Variants in MMP16 observed in about 807,000 individuals in gnomAD.
MMP16 encodes matrix metallopeptidase 16.
A neutral mutation model predicts 67.8 loss-of-function variants in MMP16; 12 were observed. The ratio of observed to expected loss-of-function variants is 0.18; its 90% CI spans 0.11 to 0.29. The LOEUF (loss-of-function observed/expected upper bound fraction) is 0.29. Among genes scored for constraint, MMP16 ranks in the 10% least tolerant of loss-of-function variants. The pLI, the probability that MMP16 is intolerant of heterozygous loss-of-function variation, is 1.00. For missense variants in MMP16, 475 were observed against 765.7 expected, an observed-to-expected ratio of 0.62 and a Z score of 4.48; for synonymous variants, 249 against 255.9, an observed-to-expected ratio of 0.97 and a Z score of 0.26.
Position 88,058,666 on chromosome 8 carries a change from T to C in MMP16, c.1223-2388A>G, listed in dbSNP as rs768756693. On this transcript the variant is annotated intron_variant, in intron 7 of 9. Coordinates refer to ENST00000286614, the MANE Select transcript of MMP16 (RefSeq NM_005941.5). This position sits in a 1 kb window ranked among gnomAD's most constrained non-coding sequence, Gnocchi z 4.2. ...TTCAAAGGAGCCAGACCACTGAAGA[T>C]TGTTTGAGGTAAAAGAAACATAAAG... 3.3e-5 allele frequency among the ~76,000 whole-genome samples: 5 copies of C among 152,122 alleles called. No homozygotes were observed. The highest frequency in any genetic ancestry group is 7.4e-5 in the Non-Finnish European group (5 of 67,998).
intron 4 of MMP16, among the ~76,000 whole-genome samples, chr8:88,120,314 G>A (rs926685547): frequency 6.6e-6 from 1 of 151,952 alleles, no homozygotes; most frequent in Non-Finnish European, 1.5e-5. Context: ...ACAGGTGAGA[G>A]GATCATTGGA....
intron 1 of MMP16, among the ~76,000 whole-genome samples, chr8:88,214,759 T>C (rs1224144526): frequency 6.6e-6 from 1 of 152,188 alleles, no homozygotes; most frequent in African/African-American, 2.4e-5. Flanking sequence ...AACTGAAACG[T>C]TGTGTCCTCT....
intron 2 of MMP16, among the ~76,000 whole-genome samples, chr8:88,196,620 A>G (rs1489715533): frequency 6.6e-6 from 1 of 152,214 alleles, no homozygotes; most frequent in Non-Finnish European, 1.5e-5. Context: ...GTAACTTTCC[A>G]GTGAAACCTA....
At chr8:88,169,454 T>A (rs1344040444) in intron 3 of MMP16, among the ~76,000 whole-genome samples, 1 of 152,136 alleles carries the variant, frequency 6.6e-6, no homozygotes, top group Non-Finnish European at 1.5e-5. Context: ...TTATAAGAAT[T>A]TTAGAGAAAA....
At chr8:88,296,047 T>A (rs1563587504) in intron 1 of MMP16, among the ~76,000 whole-genome samples, 1 of 152,320 alleles carries the variant, frequency 6.6e-6, no homozygotes, top group East Asian at 1.9e-4. Flanking sequence ...TAACTGAGAC[T>A]AGTCCAAATA....
rs192130066 is a variant in MMP16, at chr8:88,125,146, T to A, written c.710-6285A>T. On this transcript the variant is annotated intron_variant, in intron 4 of 9. Coordinates refer to ENST00000286614, the MANE Select transcript of MMP16 (RefSeq NM_005941.5). ...TGGCTGCTCAAAGAGCTTTTATCAT[T>A]TTCATTGCTTCTTACTTTTAATTAA... Among the ~76,000 whole-genome samples the A allele has an allele frequency of 1.1e-4, 16 of 151,946 alleles. No individual in the cohort carries two copies. In the East Asian group the frequency reaches 3.1e-3, roughly 30 times the overall value.
chr8:88,297,341 A>G (rs114338115), intron 1 of MMP16, among the ~76,000 whole-genome samples: 1,769 of 152,280 alleles, frequency 0.012, 30 homozygotes, highest in African/African-American at 0.04. Context: ...GTTCTCCCCA[A>G]ACTCAAACGA....
At chr8:88,319,248 G>A (rs548924150) in intron 1 of MMP16, among the ~76,000 whole-genome samples, 1 of 152,200 alleles carries the variant, frequency 6.6e-6, no homozygotes, top group African/African-American at 2.4e-5. Context: ...TAGTGCTCTT[G>A]ACTTTTCTAT....
intron 1 of MMP16, among the ~76,000 whole-genome samples, chr8:88,300,670 T>C (rs923472351): frequency 6.6e-6 from 1 of 152,216 alleles, no homozygotes; most frequent in African/African-American, 2.4e-5. Context: ...AAAATATATA[T>C]GTAGGGTTTG....
At position 88,197,189 on chromosome 8, in the gene MMP16, T is replaced by C. The variant is rs1169511853; in HGVS notation, c.250A>G (p.Met84Val). The C allele has an allele frequency of 2.5e-6, 4 of 1,612,046 alleles. No homozygotes were observed. The highest frequency in any genetic ancestry group is 2.2e-5 in the East Asian group (1 of 44,754). Residue 84 changes from methionine (M) to valine (V), a missense_variant, in exon 2 of 10, where the codon ATG becomes GTG. Physicochemically the swap from Met to Val is conservative, Grantham distance 21. This residue lies in a region of MMP16 where 170 missense variants were observed against 239.6 expected (regional missense o/e 0.71). Coordinates refer to ENST00000286614, the MANE Select transcript of MMP16 (RefSeq NM_005941.5). ...GTGTTTCTGTCCACTTTTCCTGTCA[T>C]GTTAATGCCATAGAACTGCTGCATG... The part of the protein sequence containing the change: ...AAMQQFYGIN[M>V]TGKVDRNTID...
intron 1 of MMP16, among the ~76,000 whole-genome samples, chr8:88,223,109 T>C (rs970556095): frequency 4.6e-5 from 7 of 152,106 alleles, no homozygotes; most frequent in Non-Finnish European, 1.0e-4. Flanking sequence ...TCATCACTGG[T>C]CATCAGAGAA....
chr8:88,227,634 GC>G (rs1809791425), intron 1 of MMP16, among the ~76,000 whole-genome samples: 1 of 151,894 alleles, frequency 6.6e-6, no homozygotes, highest in South Asian at 2.1e-4. Context: ...TCAGGCAAGG[GC>G]CCACTCTAGT....
rs928136030 is a variant in MMP16, at chr8:88,033,583, T to C, written c.*7878A>G. On this transcript the variant is annotated 3_prime_UTR_variant, in exon 10 of 10. Coordinates refer to ENST00000286614, the MANE Select transcript of MMP16 (RefSeq NM_005941.5). ...AAAAAGTTAAGTTTATTAAAAGTTA[T>C]ATTAGCGCAAAATTGAACTAGTAAA... is the stretch of plus-strand genomic sequence containing the variant. 6.6e-6 allele frequency: 1 copy of C among 152,000 alleles called. No homozygotes were observed. The highest frequency in any genetic ancestry group is 1.5e-5 in the Non-Finnish European group (1 of 67,952). 9.4% of individuals were successfully genotyped at this position (152,000 alleles called of 1,614,324 possible).
chr8:88,112,666 G>GGGGTGTGTGTGTGTGTGTGTGTGT (rs1554578643), intron 6 of MMP16, among the ~76,000 whole-genome samples: 5 of 146,786 alleles, frequency 3.4e-5, no homozygotes, highest in African/African-American at 1.0e-4. Flanking sequence ...AGGACAGAAG[G>GGGGTGTGTGTGTGTGTGTGTGTGT]GTGTGTGTGT....
chr8:88,278,461 A>T (rs1170203237), intron 1 of MMP16, among the ~76,000 whole-genome samples: 1 of 152,180 alleles, frequency 6.6e-6, no homozygotes, highest in East Asian at 1.9e-4. Flanking sequence ...TAAGAAGTAT[A>T]AGGCTGGGGT....
intron 1 of MMP16, among the ~76,000 whole-genome samples, chr8:88,229,768 G>T (rs1488009893): frequency 6.6e-6 from 1 of 151,946 alleles, no homozygotes; most frequent in East Asian, 1.9e-4. Flanking sequence ...AAGATTAGTT[G>T]ATGTGAATAA....
At chr8:88,212,372 A>G (rs927325784) in intron 1 of MMP16, among the ~76,000 whole-genome samples, 1 of 152,194 alleles carries the variant, frequency 6.6e-6, no homozygotes, top group Non-Finnish European at 1.5e-5. Flanking sequence ...GTGAGAATTC[A>G]ATAAAATTGG....
At chr8:88,217,532 A>C (rs1230205606) in intron 1 of MMP16, among the ~76,000 whole-genome samples, 1 of 152,006 alleles carries the variant, frequency 6.6e-6, no homozygotes, top group African/African-American at 2.4e-5. Context: ...TGCACTTCTT[A>C]CACCCTTCTC....
In MMP16 at chr8:88,041,241, A is replaced by G; in HGVS notation, c.*220T>C. 2.0e-6 allele frequency: 1 copy of G among 511,606 alleles called. No homozygotes were observed. 31.7% of individuals were successfully genotyped at this position (511,606 alleles called of 1,614,324 possible). On this transcript the variant is annotated 3_prime_UTR_variant, in exon 10 of 10. Coordinates refer to ENST00000286614, the MANE Select transcript of MMP16 (RefSeq NM_005941.5). This position sits in a 1 kb window ranked among gnomAD's most constrained non-coding sequence, Gnocchi z 6.0. ...TAGAACTGAATGACAAAGAAAGACAAAGGACTGAAGAACAGCAGATACTGT... is the reference window on the plus strand; with the variant it reads ...TAGAACTGAATGACAAAGAAAGACAGAGGACTGAAGAACAGCAGATACTGT...
Sources: gnomAD v4.1 joint callset for allele counts (sites outside exome capture counted in the v4.1 genomes callset) on GRCh38, gnomAD v4.1.1 for gene constraint, gnomAD v4.1.1 regional missense constraint, Gnocchi (gnomAD v3.1) non-coding constraint, MANE v1.5 for transcripts, NCBI Gene and HGNC (gene_info 2026-07-23, HGNC 2026-07-21) for gene names.